Variants in SCP2 observed in about 807,000 individuals in gnomAD.
SCP2 encodes sterol carrier protein 2.
In SCP2, 48 loss-of-function variants were observed where a neutral mutation model predicts 71.4. That is an observed-to-expected ratio of 0.67 (90% CI 0.53 to 0.86). The LOEUF (loss-of-function observed/expected upper bound fraction) is 0.86, where lower values mean the gene tolerates loss of function less well. Among genes scored for constraint, SCP2 ranks in the 40% least tolerant of loss-of-function variants. The probability of loss-of-function intolerance (pLI) is 0.00; values close to 1 mark genes in which losing one functional copy is unlikely to be tolerated. For missense variants in SCP2, 560 were observed against 655.6 expected (o/e 0.85, Z 1.59); for synonymous variants, 220 against 218.1 (o/e 1.01, Z -0.08).
At chr1:52,995,785 CA>C in intron 11 of SCP2, 1 of 814,188 alleles carries the variant, frequency 1.2e-6, no homozygotes, top group Non-Finnish European at 2.2e-6. Flanking sequence ...AGATGGCGGT[CA>C]CCTTAATCGG....
At chr1:53,022,569 C>T (rs945941427) in intron 12 of SCP2, among the ~76,000 whole-genome samples, 2 of 152,152 alleles carry the variant, frequency 1.3e-5, no homozygotes, top group East Asian at 1.9e-4. Context: ...TGTGAGAGCT[C>T]TTTCACAATC....
chr1:52,948,650 C>T (rs939969543), intron 3 of SCP2, among the ~76,000 whole-genome samples: 1 of 145,850 alleles, frequency 6.9e-6, no homozygotes, highest in African/African-American at 2.5e-5. Context: ...AAAAAGCATA[C>T]TGTTTCATTG....
chr1:52,978,046 A>G (rs1383205990), intron 8 of SCP2, among the ~76,000 whole-genome samples, 171 bp from the exon 9 acceptor site: 1 of 152,226 alleles, frequency 6.6e-6, no homozygotes, highest in Non-Finnish European at 1.5e-5. Flanking sequence ...ATAGAGGTTC[A>G]GTCCTCAGGT....
Position 52,961,520 on chromosome 1 carries a change from TC to T in SCP2, c.417del (p.Thr140LeufsTer8), listed in dbSNP as rs910513941. On this transcript the variant is annotated frameshift_variant, in exon 6 of 16. Coordinates refer to ENST00000371514, the MANE Select transcript of SCP2 (RefSeq NM_002979.5). LOFTEE classifies it high-confidence loss of function. ...LGIKFSDRTI[P>X]TDKHVDLLIN... ...CCTCTTAGTTTTCAGATAGAACCAT[TC>T]CCACTGATAAGCATGTTGACCTCCT... 2 of 1,613,748 alleles carry T rather than the reference TC, an allele frequency of 1.2e-6. No individual in the cohort carries two copies. Among genetic ancestry groups the T allele is most frequent in the Non-Finnish European group, 1.7e-6 (2 of 1,179,848 alleles).
At chr1:52,996,155 C>G in intron 11 of SCP2, 2 of 405,878 alleles carry the variant, frequency 4.9e-6, no homozygotes, top group South Asian at 1.3e-4. Flanking sequence ...GTGCTTAGCA[C>G]GTAGTAGGCA....
At chr1:52,989,340 C>G (rs917597941) in intron 11 of SCP2, among the ~76,000 whole-genome samples, 17 of 152,236 alleles carry the variant, frequency 1.1e-4, no homozygotes, top group Non-Finnish European at 2.4e-4. Flanking sequence ...AAAAATTAAC[C>G]AGATTTACAA....
At chr1:53,020,424 TG>T (rs1462393489) in intron 12 of SCP2, among the ~76,000 whole-genome samples, 5 of 152,158 alleles carry the variant, frequency 3.3e-5, no homozygotes, top group African/African-American at 1.2e-4. Flanking sequence ...TCTCTAGTTG[TG>T]TCACTGGTTA....
At chr1:52,943,031 T>C (rs1448832137) in intron 2 of SCP2, among the ~76,000 whole-genome samples, 1 of 151,970 alleles carries the variant, frequency 6.6e-6, no homozygotes, top group African/African-American at 2.4e-5. Context: ...CCTGCAGTTA[T>C]ACTAAAAATT....
chr1:52,966,034 T>C (rs1398069334), intron 6 of SCP2, among the ~76,000 whole-genome samples: 1 of 152,156 alleles, frequency 6.6e-6, no homozygotes, highest in Non-Finnish European at 1.5e-5. Context: ...ATTTTACTTA[T>C]AGGGGTTTCC....
chr1:52,980,541 A>G lies in SCP2; in HGVS notation c.971A>G (p.Glu324Gly), dbSNP rs1480397112. ...LTYEALGLCP[E>G]GQGATLVDRG... ...TATGAAGCACTGGGACTCTGTCCAG[A>G]AGGTAACATCTTTGAATAGGGCAGA... The change falls in exon 10 of 16, where the codon GAA (glutamate) becomes GGA (glycine). Residue 324 changes from glutamate (E) to glycine (G), a missense_variant and splice_region_variant. Glu to Gly is a moderately conservative substitution (Grantham distance 98). Transcript: ENST00000371514. The G allele has an allele frequency of 1.9e-6, 3 of 1,613,424 alleles. No homozygotes were observed. The highest frequency in any genetic ancestry group is 2.5e-6 in the Non-Finnish European group (3 of 1,179,468).
chr1:52,969,708 C>G (rs1657286253), intron 6 of SCP2, among the ~76,000 whole-genome samples: 1 of 152,090 alleles, frequency 6.6e-6, no homozygotes, highest in African/African-American at 2.4e-5. Context: ...GTAATCCCAG[C>G]AACTGGGGAG....
chr1:52,966,531 T>C (rs1472774260), intron 6 of SCP2, among the ~76,000 whole-genome samples: 1 of 151,710 alleles, frequency 6.6e-6, no homozygotes, highest in Non-Finnish European at 1.5e-5. Flanking sequence ...CAAATCATTA[T>C]TTGTAAGTGA....
intron 4 of SCP2, among the ~76,000 whole-genome samples, chr1:52,952,011 G>T (rs1403507662): frequency 6.6e-6 from 1 of 152,050 alleles, no homozygotes; most frequent in South Asian, 2.1e-4. Context: ...GCCTCACAAA[G>T]TGAGGTGTGA....
intron 5 of SCP2, among the ~76,000 whole-genome samples, chr1:52,960,807 T>C (rs1448634331): frequency 6.6e-6 from 1 of 151,024 alleles, no homozygotes; most frequent in Non-Finnish European, 1.5e-5. Flanking sequence ...TGGAGTGCAG[T>C]AGTGGTGTGA....
chr1:52,992,480 C>A (rs576225284), intron 11 of SCP2, among the ~76,000 whole-genome samples: 11 of 152,234 alleles, frequency 7.2e-5, no homozygotes, highest in African/African-American at 2.6e-4. Context: ...CCTTTTTACC[C>A]TTAGCGTGGC....
intron 6 of SCP2, among the ~76,000 whole-genome samples, chr1:52,967,725 C>T (rs1657101346): frequency 6.6e-6 from 1 of 152,190 alleles, no homozygotes; most frequent in Non-Finnish European, 1.5e-5. Context: ...TGAGCTTTTA[C>T]AGCCCTTCAT....
At chr1:53,050,566 A>G in intron 15 of SCP2, 43 bp from the exon 16 acceptor site, 1 of 1,322,386 alleles carries the variant, frequency 7.6e-7, no homozygotes, top group Non-Finnish European at 1.1e-6. Context: ...GCAATCTTAA[A>G]ACAAAAAAAC....
At chr1:53,050,414 A>G (rs2150282021) in intron 15 of SCP2, 195 bp from the exon 16 acceptor site, 2 of 528,462 alleles carry the variant, frequency 3.8e-6, no homozygotes, top group South Asian at 4.1e-5. Context: ...GCTGATCTGC[A>G]AAAAGTGTGG....
rs143386725 is a variant in SCP2, at chr1:52,941,734, C to CAAAAA, written c.70-51_70-47dup. ...TGGGTAACAGAGCAAGACTCCGTCT[C>CAAAAA]AAAAAAAAAAAAAAATGTAACTATA... On this transcript the variant is annotated intron_variant, in intron 1 of 15. Transcript: ENST00000371514. 2.0e-4 allele frequency: 189 copies of CAAAAA among 943,760 alleles called. No individual in the cohort carries two copies. The African/African-American group carries it at 2.9e-3, about 14-fold the overall frequency. 58.5% of individuals were successfully genotyped at this position (943,760 alleles called of 1,614,324 possible). A position where few individuals can be genotyped will look rare whatever the true frequency, so the allele number is the denominator to read the frequency against.
Sources: gnomAD v4.1 joint callset for allele counts (sites outside exome capture counted in the v4.1 genomes callset) on GRCh38, gnomAD v4.1.1 for gene constraint, MANE v1.5 for transcripts, NCBI Gene and HGNC (gene_info 2026-07-23, HGNC 2026-07-21) for gene names.